Variants in COL23A1 observed in about 807,000 individuals in gnomAD.
COL23A1 encodes collagen alpha-1(XXIII) chain.
A neutral mutation model predicts 99.3 loss-of-function variants in COL23A1; 97 were observed. The ratio of observed to expected loss-of-function variants is 0.98; its 90% confidence interval spans 0.83 to 1.16. COL23A1 has a LOEUF of 1.16. Among genes scored for constraint, COL23A1 ranks in the 50% most tolerant of loss-of-function variants. The pLI, the probability that COL23A1 is intolerant of heterozygous loss-of-function variation, is 0.00. For missense variants in COL23A1, 762 were observed against 757.4 expected (o/e 1.01, Z -0.07); for synonymous variants, 320 against 308.2 (o/e 1.04, Z -0.40).
At chr5:178,558,877 C>T (rs1336169016) in intron 2 of COL23A1, among the ~76,000 whole-genome samples, 1 of 152,028 alleles carries the variant, frequency 6.6e-6, no homozygotes, top group Non-Finnish European at 1.5e-5. Flanking sequence ...CAACCTCCAC[C>T]TCCCAGGATG....
intron 2 of COL23A1, among the ~76,000 whole-genome samples, chr5:178,473,456 G>A (rs1291218901): frequency 3.1e-5 from 4 of 127,062 alleles, no homozygotes; most frequent in East Asian, 2.4e-4. Flanking sequence ...CACTACATCC[G>A]GCTAATTTTT....
intron 4 of COL23A1, 61 bp downstream of exon 4, chr5:178,290,301 A>G: frequency 6.2e-7 from 1 of 1,612,174 alleles, no homozygotes; most frequent in Non-Finnish European, 8.5e-7. Context: ...TGGAATTGCA[A>G]CAGAGAGAGA....
intron 2 of COL23A1, among the ~76,000 whole-genome samples, chr5:178,501,596 G>A (rs1232309516): frequency 6.6e-6 from 1 of 151,326 alleles, no homozygotes; most frequent in Non-Finnish European, 1.5e-5. Flanking sequence ...AAAAGTCCCA[G>A]CAAAAGCCTG....
Position 178,327,860 on chromosome 5 carries a change from C to T in COL23A1, c.362-20941G>A, listed in dbSNP as rs77182341. 6.8e-3 allele frequency among the ~76,000 whole-genome samples: 1,037 copies of T among 152,262 alleles called. 18 individuals are homozygous for T. The highest frequency in any genetic ancestry group is 0.024 in the African/African-American group (993 of 41,546). On this transcript the variant is annotated intron_variant, in intron 2 of 28. Transcript: ENST00000390654. ...GCGCCCCACACAGCTCAGAGCTACC[C>T]GAACAGTCCTGGCAGACAAGCTGCT...
chr5:178,429,761 C>T (rs1037020503), intron 2 of COL23A1, among the ~76,000 whole-genome samples: 1 of 152,164 alleles, frequency 6.6e-6, no homozygotes, highest in African/African-American at 2.4e-5. Context: ...CTCCCTGCAC[C>T]ACCCTCTATG....
chr5:178,368,958 G>A (rs1468115221), intron 2 of COL23A1, among the ~76,000 whole-genome samples: 2 of 152,252 alleles, frequency 1.3e-5, no homozygotes, highest in Non-Finnish European at 2.9e-5. Flanking sequence ...CTGAGATGGG[G>A]TTGGGGGAGA....
intron 2 of COL23A1, among the ~76,000 whole-genome samples, chr5:178,491,752 T>TGA (rs1562019987): frequency 1.3e-5 from 2 of 152,204 alleles, no homozygotes; most frequent in Non-Finnish European, 2.9e-5. Flanking sequence ...TTAATTATTT[T>TGA]GAGAGAGAGT....
At chr5:178,256,241 A>G in intron 15 of COL23A1, 112 bp downstream of exon 15, 2 of 657,494 alleles carry the variant, frequency 3.0e-6, no homozygotes, top group South Asian at 4.7e-5. Context: ...AAATACTCCC[A>G]GTTCCTGTAG....
At chr5:178,360,073 G>A (rs1022082793) in intron 2 of COL23A1, among the ~76,000 whole-genome samples, 2 of 152,268 alleles carry the variant, frequency 1.3e-5, no homozygotes, top group African/African-American at 4.8e-5. Context: ...ATTCTCTTCC[G>A]TGGTCCCATA....
chr5:178,256,038 A>C, intron 15 of COL23A1: 1 of 265,474 alleles, frequency 3.8e-6, no homozygotes, highest in Non-Finnish European at 7.4e-6. Flanking sequence ...CATACGACAA[A>C]CAGAGGACCT....
chr5:178,485,824 T>C (rs1204904612), intron 2 of COL23A1, among the ~76,000 whole-genome samples: 1 of 148,486 alleles, frequency 6.7e-6, no homozygotes, highest in Non-Finnish European at 1.5e-5. Context: ...ATGAGTAAGC[T>C]GAGTACAGAG....
chr5:178,279,648 G>A (rs1461652618), intron 5 of COL23A1, among the ~76,000 whole-genome samples: 1 of 152,214 alleles, frequency 6.6e-6, no homozygotes, highest in Admixed American at 6.5e-5. Flanking sequence ...GAACTCCAGA[G>A]TGGACAAGAG....
In COL23A1 at chr5:178,366,286, C is replaced by T. The variant is rs1253375235; in HGVS notation, c.362-59367G>A. Among the ~76,000 whole-genome samples the T allele has an allele frequency of 2.6e-5, 4 of 152,186 alleles. No homozygotes were observed. The highest frequency in any genetic ancestry group is 1.9e-4 in the East Asian group (1 of 5,192). On this transcript the variant is annotated intron_variant, in intron 2 of 28. Coordinates refer to ENST00000390654, the MANE Select transcript of COL23A1 (RefSeq NM_173465.4). This position sits in a 1 kb window ranked among gnomAD's most constrained non-coding sequence, Gnocchi z 4.4. ...TGGGGAGGGGCACCGCTGCCTTGCC[C>T]GAGGTTCCCTCTGCACCCCACGATG... is the stretch of plus-strand genomic sequence containing the variant.
rs918944349 is a variant in COL23A1, at chr5:178,384,395, G to A, written c.362-77476C>T. 6.6e-6 allele frequency among the ~76,000 whole-genome samples: 1 copy of A among 152,266 alleles called. No individual in the cohort carries two copies. Among genetic ancestry groups the A allele is most frequent in the Non-Finnish European group, 1.5e-5 (1 of 68,050 alleles). ...TGACATGAGGTGAAGCCTCAGGAAA[G>A]CCCGGGGCTGTTCATCCGGGTAGTA... On this transcript the variant is annotated intron_variant, in intron 2 of 28. Coordinates refer to ENST00000390654, the MANE Select transcript of COL23A1 (RefSeq NM_173465.4). The surrounding 1 kb of genome is among the most constrained non-coding windows in gnomAD (Gnocchi z 5.5).
chr5:178,403,126 AT>A (rs749273236), intron 2 of COL23A1, among the ~76,000 whole-genome samples: 39,968 of 115,006 alleles, frequency 0.35, 12,178 homozygotes, highest in African/African-American at 0.51. Context: ...AAAAAAATAA[AT>A]AAATAAAAAA....
Position 178,523,257 on chromosome 5 carries a change from C to CAG in COL23A1, c.361+37423_361+37424dup, listed in dbSNP as rs70997610. On this transcript the variant is annotated intron_variant, in intron 2 of 28. Coordinates refer to ENST00000390654, the MANE Select transcript of COL23A1 (RefSeq NM_173465.4). Reference sequence around the variant, plus strand: ...GGAGAGACAGAGAGAGAGAGAGAGACAGAGAGAGAGAGAGAGAGAGAGCGC... The same window carrying CAG: ...GGAGAGACAGAGAGAGAGAGAGAGACAGAGAGAGAGAGAGAGAGAGAGAGCGC... Among the ~76,000 whole-genome samples, 342 of 108,290 alleles carry CAG rather than the reference C, an allele frequency of 3.2e-3. 2 individuals are homozygous for CAG. The highest frequency in any genetic ancestry group is 9.4e-3 in the African/African-American group (278 of 29,678). The allele number at this position is 108,290 out of a possible 152,430, so 71.0% of individuals were successfully genotyped here. A position where few individuals can be genotyped will look rare whatever the true frequency, so the allele number is the denominator to read the frequency against.
chr5:178,390,973 C>T (rs1392200864), intron 2 of COL23A1, among the ~76,000 whole-genome samples: 2 of 152,180 alleles, frequency 1.3e-5, no homozygotes, highest in African/African-American at 4.8e-5. Flanking sequence ...AAAACAGGGG[C>T]CCCAACCCCT....
chr5:178,438,388 T>A (rs573213633), intron 2 of COL23A1, among the ~76,000 whole-genome samples: 15 of 152,336 alleles, frequency 9.8e-5, no homozygotes, highest in African/African-American at 2.4e-4. Context: ...TGAAAATATC[T>A]GGGCAAGAAA....
At chr5:178,401,407 T>C (rs1581313738) in intron 2 of COL23A1, among the ~76,000 whole-genome samples, 1 of 152,226 alleles carries the variant, frequency 6.6e-6, no homozygotes, top group East Asian at 1.9e-4. Context: ...ATAAAGCATG[T>C]AGTATGATTT....
Sources: allele counts gnomAD v4.1 joint callset (sites outside exome capture counted in the v4.1 genomes callset), GRCh38; gene constraint gnomAD v4.1.1; non-coding constraint Gnocchi (gnomAD v3.1); transcripts MANE v1.5; gene names NCBI Gene and HGNC (gene_info 2026-07-23, HGNC 2026-07-21).